PPFIA2: variants seen among roughly 807,000 people sequenced by gnomAD.
PPFIA2 encodes liprin-alpha-2.
A neutral mutation model predicts 175.5 loss-of-function variants in PPFIA2; 46 were observed. That is an observed-to-expected ratio of 0.26 (90% CI 0.21 to 0.34). The LOEUF (loss-of-function observed/expected upper bound fraction) is 0.34. Ranked by LOEUF, PPFIA2 falls within the 10% of genes least tolerant of loss-of-function variation. The pLI is 1.00. For synonymous variants in PPFIA2, 568 were observed against 511.4 expected (o/e 1.11, Z -1.49); for missense variants, 1,179 against 1,506.1 (o/e 0.78, Z 3.60).
intron 22 of PPFIA2, among the ~76,000 whole-genome samples, chr12:81,325,251 G>A (rs1038275658): frequency 3.3e-5 from 5 of 151,906 alleles, no homozygotes; most frequent in Non-Finnish European, 7.4e-5. Context: ...CTCAAAATTG[G>A]CCAATTTTGC....
chr12:81,637,934 C>T (rs1015651558), intron 4 of PPFIA2, among the ~76,000 whole-genome samples: 7 of 152,030 alleles, frequency 4.6e-5, no homozygotes, highest in South Asian at 2.1e-4. Flanking sequence ...AGATTTTAAA[C>T]GAGATATAAT....
At chr12:81,427,640 ATAAAG>A (rs996719460) in intron 7 of PPFIA2, among the ~76,000 whole-genome samples, 2 of 152,070 alleles carry the variant, frequency 1.3e-5, no homozygotes, top group Non-Finnish European at 2.9e-5. Flanking sequence ...TGGGTATAAC[ATAAAG>A]TACAGAGTAC....
intron 4 of PPFIA2, among the ~76,000 whole-genome samples, chr12:81,559,806 T>C (rs1440616504): frequency 1.1e-5 from 1 of 91,528 alleles, no homozygotes; most frequent in Non-Finnish European, 2.1e-5. Flanking sequence ...GCTTAGTTGT[T>C]TTTTTTTTTG....
intron 16 of PPFIA2, among the ~76,000 whole-genome samples, chr12:81,357,795 G>C (rs1342126117): frequency 1.3e-5 from 2 of 151,874 alleles, no homozygotes; most frequent in African/African-American, 2.4e-5. Flanking sequence ...GTGCAATGTT[G>C]AACATTTAGC....
At chr12:81,429,542 T>C (rs1346968666) in intron 7 of PPFIA2, among the ~76,000 whole-genome samples, 1 of 152,050 alleles carries the variant, frequency 6.6e-6, no homozygotes, top group African/African-American at 2.4e-5. Context: ...ACTTTCTCCA[T>C]GTTTTTCTGC....
At chr12:81,433,500 A>G (rs2048456714) in intron 7 of PPFIA2, among the ~76,000 whole-genome samples, 2 of 152,190 alleles carry the variant, frequency 1.3e-5, no homozygotes, top group South Asian at 4.1e-4. Context: ...TTAATACCTC[A>G]TTTATTTTCT....
At chr12:81,541,058 A>G (rs1374492032) in intron 4 of PPFIA2, among the ~76,000 whole-genome samples, 1 of 152,102 alleles carries the variant, frequency 6.6e-6, no homozygotes, top group East Asian at 1.9e-4. Flanking sequence ...TAAACAACAT[A>G]TATTATCATT....
chr12:81,439,418 T>A (rs1323757000), intron 7 of PPFIA2, among the ~76,000 whole-genome samples: 2 of 151,944 alleles, frequency 1.3e-5, no homozygotes, highest in Non-Finnish European at 2.9e-5. Context: ...ATTTGTGCGT[T>A]AAAACCCAAG....
chr12:81,442,018 T>G (rs1043146351), intron 6 of PPFIA2, among the ~76,000 whole-genome samples: 1 of 152,112 alleles, frequency 6.6e-6, no homozygotes, highest in Non-Finnish European at 1.5e-5. Context: ...TAATATATCT[T>G]TCTTTCTTTT....
rs2034642702 is a variant in PPFIA2 at position 81,259,483 on chromosome 12, C to T, written c.*211G>A. ...TTCAAATGACTTAAGCATTTTATTA[C>T]AATTTGTAGTAAACTAATCAAATGT... On this transcript the variant is annotated 3_prime_UTR_variant, in exon 33 of 33. Transcript: ENST00000549396. 2.8e-6 allele frequency: 2 copies of T among 705,690 alleles called. No homozygotes were observed. The highest frequency in any genetic ancestry group is 2.7e-5 in the East Asian group (1 of 36,588). 43.7% of individuals were successfully genotyped at this position (705,690 alleles called of 1,614,324 possible).
intron 14 of PPFIA2, among the ~76,000 whole-genome samples, chr12:81,366,073 CCTT>C (rs1022700132): frequency 7.0e-6 from 1 of 142,708 alleles, no homozygotes; most frequent in Non-Finnish European, 1.5e-5. Flanking sequence ...CCCTTCCCTC[CCTT>C]CTTTCTTCCC....
intron 9 of PPFIA2, among the ~76,000 whole-genome samples, chr12:81,382,102 G>T (rs996782340): frequency 1.4e-4 from 22 of 152,236 alleles, no homozygotes; most frequent in African/African-American, 4.1e-4. Flanking sequence ...GCAAACAAAA[G>T]AAGAGGGAGA....
chr12:81,574,843 C>T (rs2073221799), intron 4 of PPFIA2, among the ~76,000 whole-genome samples: 1 of 151,746 alleles, frequency 6.6e-6, no homozygotes, highest in Non-Finnish European at 1.5e-5. Flanking sequence ...TAATTGTTTG[C>T]TGCTGTATGC....
rs553614875 is a variant in PPFIA2, at chr12:81,619,957, A to T, written c.303+56834T>A. Among the ~76,000 whole-genome samples, 617 of 152,204 alleles carry T rather than the reference A, an allele frequency of 4.1e-3. 3 individuals are homozygous for T. Among genetic ancestry groups the T allele is most frequent in the African/African-American group, 0.014 (578 of 41,538 alleles). On this transcript the variant is annotated intron_variant, in intron 4 of 32. Coordinates refer to ENST00000549396, the MANE Select transcript of PPFIA2 (RefSeq NM_003625.5). ...GGCGGATCACGAGGTCAGGAGGTCG[A>T]GACCATCCTGGCTAAGGCAGTGAAA...
chr12:81,420,244 C>A (rs1592707558), intron 7 of PPFIA2, among the ~76,000 whole-genome samples: 2 of 152,022 alleles, frequency 1.3e-5, no homozygotes, highest in Non-Finnish European at 2.9e-5. Flanking sequence ...TTCAAATGTG[C>A]AGACATCAAT....
At chr12:81,682,274 G>T (rs1414985442) in intron 3 of PPFIA2, among the ~76,000 whole-genome samples, 1 of 151,934 alleles carries the variant, frequency 6.6e-6, no homozygotes, top group Admixed American at 6.6e-5. Flanking sequence ...AACACAAGAA[G>T]AAGGCAGCAA....
At chr12:81,283,158 G>T in intron 25 of PPFIA2, 119 bp from the exon 26 acceptor site, 1 of 957,276 alleles carries the variant, frequency 1.0e-6, no homozygotes, top group Non-Finnish European at 1.6e-6. Context: ...TGTATAACAG[G>T]TAGAATAAAC....
chr12:81,681,995 T>C (rs1007283974), intron 3 of PPFIA2, among the ~76,000 whole-genome samples: 2 of 152,082 alleles, frequency 1.3e-5, no homozygotes, highest in Non-Finnish European at 2.9e-5. Flanking sequence ...AGTCACTTAA[T>C]GTAATATGAA....
intron 5 of PPFIA2, among the ~76,000 whole-genome samples, chr12:81,457,238 C>T (rs1014874541): frequency 1.3e-5 from 2 of 151,486 alleles, no homozygotes; most frequent in Admixed American, 1.3e-4. Context: ...CCTGCCTTGG[C>T]CTCCCAAAGT....
Sources: gnomAD v4.1 joint callset for allele counts (sites outside exome capture counted in the v4.1 genomes callset) on GRCh38, gnomAD v4.1.1 for gene constraint, MANE v1.5 for transcripts, NCBI Gene and HGNC (gene_info 2026-07-23, HGNC 2026-07-21) for gene names.